TP63: variants seen among roughly 807,000 people sequenced by gnomAD.
TP63 encodes tumor protein p63.
In TP63, 17 loss-of-function variants were observed where a neutral mutation model predicts 82.8. The ratio of observed to expected loss-of-function variants is 0.21; its 90% CI spans 0.14 to 0.31. TP63 has a LOEUF of 0.31. TP63 is among the 10% of genes least tolerant of loss of function. The pLI is 1.00. For synonymous variants in TP63, 330 were observed against 321.7 expected (o/e 1.03, Z -0.28); for missense variants, 648 against 895.3 (o/e 0.72, Z 3.52).
At chr3:189,737,371 T>C (rs371515019) in intron 1 of TP63, among the ~76,000 whole-genome samples, 11 of 152,212 alleles carry the variant, frequency 7.2e-5, no homozygotes, top group Admixed American at 4.6e-4. Flanking sequence ...ATAAAATGGG[T>C]TTAATGATAG....
intron 1 of TP63, among the ~76,000 whole-genome samples, chr3:189,716,480 G>T (rs553296647): frequency 4.5e-4 from 68 of 152,256 alleles, no homozygotes; most frequent in Non-Finnish European, 7.1e-4. Context: ...TAAAGAGAGA[G>T]AATTTGCCAA....
chr3:189,885,821 C>T (rs1720389274), intron 10 of TP63, among the ~76,000 whole-genome samples: 1 of 152,194 alleles, frequency 6.6e-6, no homozygotes, highest in Non-Finnish European at 1.5e-5. Context: ...TCTCATACAT[C>T]ATGAACATCT....
intron 3 of TP63, among the ~76,000 whole-genome samples, chr3:189,754,462 T>C (rs1015949752): frequency 6.6e-6 from 1 of 152,146 alleles, no homozygotes; most frequent in African/African-American, 2.4e-5. Context: ...TAAACACGTA[T>C]TGTATGAACA....
intron 3 of TP63, among the ~76,000 whole-genome samples, chr3:189,791,193 A>C (rs1333306265): frequency 6.6e-6 from 1 of 152,126 alleles, no homozygotes; most frequent in Admixed American, 6.6e-5. Flanking sequence ...TCTGTCCATC[A>C]TGTCATACCT....
At chr3:189,719,913 TA>T (rs1218552682) in intron 1 of TP63, among the ~76,000 whole-genome samples, 4 of 152,206 alleles carry the variant, frequency 2.6e-5, no homozygotes, top group Non-Finnish European at 5.9e-5. Flanking sequence ...AACAATCACA[TA>T]AACCTTAAAA....
rs558152420 is a variant in TP63, at chr3:189,790,951, A to G, written c.325-17321A>G. 3.9e-5 allele frequency among the ~76,000 whole-genome samples: 6 copies of G among 152,288 alleles called. No individual in the cohort carries two copies. In the East Asian group the frequency reaches 9.7e-4, roughly 25 times the overall value. ...TAGACTCCTGAACTGTGTAAATACA[A>G]CAGGGGAAATATCGAGTTATCTAAA... On this transcript the variant is annotated intron_variant, in intron 3 of 13. Transcript: ENST00000264731.
chr3:189,871,665 G>C (rs1718430548), intron 9 of TP63, among the ~76,000 whole-genome samples: 4 of 152,222 alleles, frequency 2.6e-5, no homozygotes, highest in Admixed American at 1.3e-4. Flanking sequence ...AGGCAATGCA[G>C]TTGTGCTAAG....
At chr3:189,830,083 T>G (rs1712082188) in intron 4 of TP63, 1 of 202,332 alleles carries the variant, frequency 4.9e-6, no homozygotes, top group Non-Finnish European at 1.2e-5. Flanking sequence ...TTAGTAGGGT[T>G]GGAATAGGAT....
intron 5 of TP63, 84 bp from the exon 6 acceptor site, chr3:189,866,598 C>T: frequency 7.9e-7 from 1 of 1,262,648 alleles, no homozygotes; most frequent in Non-Finnish European, 1.1e-6. Context: ...CTTTTGCCAC[C>T]AACATCCTGT....
At chr3:189,758,769 G>A (rs979267844) in intron 3 of TP63, among the ~76,000 whole-genome samples, 1 of 152,180 alleles carries the variant, frequency 6.6e-6, no homozygotes, top group East Asian at 1.9e-4. Context: ...GGTGCTGCAT[G>A]CCTTGGATAT....
intron 4 of TP63, among the ~76,000 whole-genome samples, chr3:189,813,719 G>C (rs1275733745): frequency 1.3e-5 from 2 of 151,890 alleles, no homozygotes. Flanking sequence ...TCAAGGTCTT[G>C]TATGGCAGAC....
chr3:189,814,728 C>T (rs1189534599), intron 4 of TP63, among the ~76,000 whole-genome samples: 4 of 152,108 alleles, frequency 2.6e-5, no homozygotes, highest in Non-Finnish European at 4.4e-5. Flanking sequence ...GGCATGCTTC[C>T]GAAGAGTTGT....
At chr3:189,607,706 A>G in the TP63 span, among the ~76,000 whole-genome samples, 1 of 151,972 alleles carries the variant, frequency 6.6e-6, no homozygotes, top group African/African-American at 2.4e-5. Flanking sequence ...TATATTTAAA[A>G]TTATCGTACA....
the TP63 span, among the ~76,000 whole-genome samples, chr3:189,623,727 T>A: frequency 0.21 from 32,364 of 152,120 alleles, 4,168 homozygotes; most frequent in Admixed American, 0.31. Context: ...GAAACCCCAC[T>A]AGGAATTTAG....
intron 4 of TP63, among the ~76,000 whole-genome samples, chr3:189,849,974 A>G (rs1233118833): frequency 2.0e-5 from 3 of 152,178 alleles, no homozygotes; most frequent in African/African-American, 7.2e-5. Flanking sequence ...TGTATTAAAC[A>G]TTTTAAGTGA....
chr3:189,767,124 AG>A (rs1723011766), intron 3 of TP63, among the ~76,000 whole-genome samples: 1 of 152,204 alleles, frequency 6.6e-6, no homozygotes, highest in Admixed American at 6.5e-5. Flanking sequence ...TACAAACAAA[AG>A]GTTCTTCGTC....
At chr3:189,684,874 C>T (rs1196042369) in intron 1 of TP63, among the ~76,000 whole-genome samples, 2 of 152,030 alleles carry the variant, frequency 1.3e-5, no homozygotes, top group African/African-American at 4.8e-5. Flanking sequence ...TCAGATGATC[C>T]ACCCGCCTTA....
intron 1 of TP63, among the ~76,000 whole-genome samples, chr3:189,650,735 G>A (rs1712818252): frequency 6.8e-6 from 1 of 147,444 alleles, no homozygotes; most frequent in African/African-American, 2.5e-5. Flanking sequence ...AGCAATGTGA[G>A]AATAGACAAG....
At chr3:189,761,951 G>A (rs1010766876) in intron 3 of TP63, among the ~76,000 whole-genome samples, 8 of 152,084 alleles carry the variant, frequency 5.3e-5, no homozygotes, top group South Asian at 2.1e-4. Context: ...TCACTATCAC[G>A]AGAACAGCAT....
Sources: gnomAD v4.1 joint callset for allele counts (sites outside exome capture counted in the v4.1 genomes callset) on GRCh38, gnomAD v4.1.1 for gene constraint, MANE v1.5 for transcripts, NCBI Gene and HGNC (gene_info 2026-07-23, HGNC 2026-07-21) for gene names.